Variants in PIGB observed in about 807,000 individuals in gnomAD.
PIGB encodes the protein GPI alpha-1,2-mannosyltransferase 3.
In PIGB, 58 loss-of-function variants were observed where a neutral mutation model predicts 68.4. That is an observed-to-expected ratio of 0.85 (90% CI 0.69 to 1.06). PIGB has a LOEUF of 1.06. Among genes scored for constraint, PIGB ranks in the 50% least tolerant of loss-of-function variants. PIGB has a pLI of 0.00. For synonymous variants in PIGB, 219 were observed against 220.5 expected (o/e 0.99, Z 0.06); for missense variants, 634 against 655.8 (o/e 0.97, Z 0.36).
intron 5 of PIGB, among the ~76,000 whole-genome samples, chr15:55,331,688 G>A (rs28659952): frequency 0.098 from 14,874 of 151,884 alleles, 1,000 homozygotes; most frequent in African/African-American, 0.19. Context: ...ACTCCAGCCT[G>A]GGCAACAAGA....
intron 6 of PIGB, among the ~76,000 whole-genome samples, chr15:55,335,611 G>A (rs1289355611): frequency 1.3e-5 from 2 of 152,120 alleles, no homozygotes; most frequent in African/African-American, 2.4e-5. Context: ...CCAGTGCTTG[G>A]GGTAATGGGG....
At chr15:55,325,644 C>T (rs893269590) in intron 3 of PIGB, among the ~76,000 whole-genome samples, 2 of 152,140 alleles carry the variant, frequency 1.3e-5, no homozygotes, top group Non-Finnish European at 2.9e-5. Flanking sequence ...TAGCCAGGTG[C>T]GGTGGCTCAT....
At chr15:55,346,978 A>G (rs937513520) in intron 9 of PIGB, among the ~76,000 whole-genome samples, 2 of 152,128 alleles carry the variant, frequency 1.3e-5, no homozygotes, top group Non-Finnish European at 2.9e-5. Flanking sequence ...AAGGTTTAAA[A>G]ACCCCTCAGA....
At position 55,320,395 on chromosome 15, in the gene PIGB, A is replaced by G; in HGVS notation, c.284A>G (p.His95Arg). ...TACTGGCAGTCTCTTGAAGTTTCAC[A>G]TCACATGGTTTTCAAATATCCTTTG... ...DEYWQSLEVS[H>R]HMVFNYGYLT... The change falls in exon 2 of 12, where the codon CAT becomes CGT. Residue 95 changes from histidine to arginine, a missense_variant. By Grantham distance (29) the His-to-Arg change is conservative. Coordinates refer to ENST00000164305, the MANE Select transcript of PIGB (RefSeq NM_004855.5). 6.2e-7 allele frequency: 1 copy of G among 1,613,426 alleles called. No homozygotes were observed. Among genetic ancestry groups the G allele is most frequent in the Non-Finnish European group, 8.5e-7 (1 of 1,179,684 alleles).
At chr15:55,335,978 C>A (rs1447382931) in intron 6 of PIGB, among the ~76,000 whole-genome samples, 1 of 152,136 alleles carries the variant, frequency 6.6e-6, no homozygotes, top group Non-Finnish European at 1.5e-5. Flanking sequence ...TTGTATCCAG[C>A]ATTTGATAAT....
chr15:55,355,176 A>C, intron 11 of PIGB, 110 bp from the exon 12 acceptor site: 1 of 984,726 alleles, frequency 1.0e-6, no homozygotes, highest in Non-Finnish European at 1.5e-6. Context: ...TAATTCTTTT[A>C]TTAAGCAAAA....
At chr15:55,335,122 A>G (rs889501499) in intron 6 of PIGB, among the ~76,000 whole-genome samples, 3 of 152,250 alleles carry the variant, frequency 2.0e-5, no homozygotes, top group Non-Finnish European at 4.4e-5. Flanking sequence ...TAGGAGCAGT[A>G]GGCTATACCA....
At chr15:55,331,504 G>A (rs1016947788) in intron 5 of PIGB, among the ~76,000 whole-genome samples, 3 of 151,940 alleles carry the variant, frequency 2.0e-5, no homozygotes, top group Admixed American at 6.6e-5. Context: ...ACTTGAGGTC[G>A]GGAGTTCGAG....
In PIGB at chr15:55,350,831, A is replaced by G. The variant is rs1400257889; in HGVS notation, c.1256A>G (p.Gln419Arg). The G allele has an allele frequency of 2.5e-6, 4 of 1,611,522 alleles. No individual in the cohort carries two copies. The African/African-American group carries it at 4.0e-5, about 16-fold the overall frequency. The change falls in exon 10 of 12, where the codon CAA becomes CGA. Residue 419 changes from glutamine to arginine, a missense_variant. Physicochemically the swap from Gln to Arg is conservative, Grantham distance 43 (BLOSUM62 1). Coordinates refer to ENST00000164305, the MANE Select transcript of PIGB (RefSeq NM_004855.5). ...ACTCTTGATGTCATGAGTCATATTCAAAAAGTTTGTTACAACAATCCCAAT... is the reference window on the plus strand; with the variant it reads ...ACTCTTGATGTCATGAGTCATATTCGAAAAGTTTGTTACAACAATCCCAAT... ...RGTLDVMSHI[Q>R]KVCYNNPNKS...
chr15:55,352,279 C>G (rs2055943270), intron 10 of PIGB, among the ~76,000 whole-genome samples: 2 of 152,244 alleles, frequency 1.3e-5, no homozygotes, highest in Admixed American at 1.3e-4. Flanking sequence ...CTTTGGACAT[C>G]AGTTGTCTCA....
In PIGB at chr15:55,326,479, T is replaced by A. The variant is rs552048098; in HGVS notation, c.418-1052T>A. On this transcript the variant is annotated intron_variant, in intron 3 of 11. Transcript: ENST00000164305. ...AGATTGTTAGGACTGAATGAGTTGA[T>A]ACATATAAAATAGCATGATACATAG... Among the ~76,000 whole-genome samples, 4 of 151,576 alleles carry A rather than the reference T, an allele frequency of 2.6e-5. No homozygotes were observed. The South Asian group carries it at 8.3e-4, about 32-fold the overall frequency.
chr15:55,350,682 T>C lies in PIGB; in HGVS notation c.1124-17T>C. The C allele has an allele frequency of 1.3e-6, 2 of 1,521,180 alleles. No homozygotes were observed. Among genetic ancestry groups the C allele is most frequent in the Non-Finnish European group, 1.8e-6 (2 of 1,100,722 alleles). 94.2% of individuals were successfully genotyped at this position (1,521,180 alleles called of 1,614,324 possible). A position where few individuals can be genotyped will look rare whatever the true frequency, so the allele number is the denominator to read the frequency against. ...AGATTGTCAGTGTTAAGGTTCAATA[T>C]GTCTATCTTCATATAGGATACTCAT... On this transcript the variant is annotated splice_polypyrimidine_tract_variant and intron_variant, in intron 9 of 11. Transcript: ENST00000164305.
chr15:55,342,639 G>A (rs71476719), intron 9 of PIGB, among the ~76,000 whole-genome samples: 6,443 of 152,284 alleles, frequency 0.042, 212 homozygotes, highest in Middle Eastern at 0.054. Flanking sequence ...TGATCCACCC[G>A]CCTCAGCCTC....
At chr15:55,327,396 G>A (rs945097286) in intron 3 of PIGB, 135 bp from the exon 4 acceptor site, 1 of 602,380 alleles carries the variant, frequency 1.7e-6, no homozygotes, top group African/African-American at 1.9e-5. Context: ...TGGAAGAATA[G>A]AAAAATATAT....
At chr15:55,319,479 T>G (rs2055111933) in intron 1 of PIGB, 66 bp downstream of exon 1, 1 of 1,248,756 alleles carries the variant, frequency 8.0e-7, no homozygotes, top group South Asian at 1.5e-5. Flanking sequence ...TCCATTTCAT[T>G]ACCAGCCAGT....
At chr15:55,344,890 CTTTTTTT>C (rs1164109873) in intron 9 of PIGB, among the ~76,000 whole-genome samples, 1 of 98,904 alleles carries the variant, frequency 1.0e-5, no homozygotes, top group African/African-American at 4.2e-5. Flanking sequence ...ATATTCTTAT[CTTTTTTT>C]TTTTTTTTTT....
chr15:55,322,611 A>G (rs995132602), intron 3 of PIGB, among the ~76,000 whole-genome samples: 3 of 152,154 alleles, frequency 2.0e-5, no homozygotes, highest in Non-Finnish European at 4.4e-5. Flanking sequence ...TGTTTTGTGT[A>G]GCTTAGAAAG....
intron 5 of PIGB, among the ~76,000 whole-genome samples, chr15:55,332,889 T>C (rs2055450470): frequency 6.6e-6 from 1 of 152,226 alleles, no homozygotes; most frequent in Non-Finnish European, 1.5e-5. Flanking sequence ...CTATCCATGA[T>C]CATACAGTTT....
At chr15:55,353,327 T>G (rs1194392635) in intron 10 of PIGB, among the ~76,000 whole-genome samples, 1 of 152,162 alleles carries the variant, frequency 6.6e-6, no homozygotes, top group Non-Finnish European at 1.5e-5. Flanking sequence ...GCCGGCAGCT[T>G]TTTCTGAGGA....
Sources: allele counts gnomAD v4.1 joint callset (sites outside exome capture counted in the v4.1 genomes callset), GRCh38; gene constraint gnomAD v4.1.1; transcripts MANE v1.5; gene names NCBI Gene and HGNC (gene_info 2026-07-23, HGNC 2026-07-21).